Variants in TRMT44 observed in about 807,000 individuals in gnomAD.
TRMT44 encodes probable tRNA (uracil-O(2)-)-methyltransferase.
TRMT44 carries 78 observed loss-of-function variants against 77.3 expected under a neutral mutation model. The observed-to-expected ratio is 1.01, with a 90% CI of 0.84 to 1.22. The LOEUF is 1.22. Ranked by LOEUF, TRMT44 falls within the 50% of genes most tolerant of loss-of-function variation. TRMT44 has a pLI of 0.00. For missense variants in TRMT44, 1,090 were observed against 964.4 expected (o/e 1.13, Z -1.73); for synonymous variants, 391 against 383.3 (o/e 1.02, Z -0.23).
At chr4:8,468,556 A>G (rs1306941449) in intron 9 of TRMT44, 9 of 605,694 alleles carry the variant, frequency 1.5e-5, no homozygotes, top group Admixed American at 2.9e-5. Context: ...TGTTATTTCC[A>G]GGGAGTGACA....
At position 8,481,774 on chromosome 4, in the gene TRMT44, G is replaced by A. The variant is rs190028721; in HGVS notation, n.3891+2241G>A. ...CAATATCACTGTCTCCCACCTCCTC[G>A]TCTTGTCCCATCAGAAGGTCTTTAG... On this transcript the variant is annotated intron_variant and non_coding_transcript_variant, in intron 2 of 2. Coordinates refer to the TRMT44 transcript ENST00000511366. 9.9e-4 allele frequency among the ~76,000 whole-genome samples: 151 copies of A among 152,272 alleles called. 2 individuals carry two copies. Among genetic ancestry groups the A allele is most frequent in the Admixed American group, 1.8e-3 (27 of 15,300 alleles).
rs1366999980 is a variant in TRMT44, at chr4:8,440,800, G to GGGCTGTACACCTGCTGGCTGCCAT, written c.-17_7dup. The stretch of plus-strand genomic sequence containing the variant: ...GCGTCATCTCGGCGCGCCGCTGCCA[G>GGGCTGTACACCTGCTGGCTGCCAT]GGCTGTACACCTGCTGGCTGCCATG... On this transcript the variant is annotated 5_prime_UTR_variant, in exon 1 of 11. In the 5' UTR this introduces an upstream ATG that the reference lacks. Coordinates refer to ENST00000389737, the MANE Select transcript of TRMT44 (RefSeq NM_152544.3). 22 of 1,418,744 alleles carry GGGCTGTACACCTGCTGGCTGCCAT rather than the reference G, an allele frequency of 1.6e-5. No individual in the cohort carries two copies. Among genetic ancestry groups the GGGCTGTACACCTGCTGGCTGCCAT allele is most frequent in the Middle Eastern group, 2.5e-4 (1 of 3,928 alleles). 87.9% of individuals were successfully genotyped at this position (1,418,744 alleles called of 1,614,324 possible). A position where few individuals can be genotyped will look rare whatever the true frequency, so the allele number is the denominator to read the frequency against.
chr4:8,458,243 G>A (rs1472610361), intron 6 of TRMT44, among the ~76,000 whole-genome samples: 4 of 152,174 alleles, frequency 2.6e-5, no homozygotes, highest in Admixed American at 2.0e-4. Context: ...AAATTATGAT[G>A]TATTTCATGA....
At chr4:8,444,000 T>A (rs1724914743) in intron 1 of TRMT44, among the ~76,000 whole-genome samples, 1 of 151,974 alleles carries the variant, frequency 6.6e-6, no homozygotes, top group South Asian at 2.1e-4. Flanking sequence ...TCTTAACTGT[T>A]AGTAGCAGGT....
At chr4:8,464,920 G>A (rs2109150478) in intron 7 of TRMT44, among the ~76,000 whole-genome samples, 1 of 152,272 alleles carries the variant, frequency 6.6e-6, no homozygotes, top group South Asian at 2.1e-4. Context: ...GCAGCAACAT[G>A]GGGTGCAGCT....
At chr4:8,488,992 C>A (rs147148198) in intron 2 of TRMT44, among the ~76,000 whole-genome samples, 1 of 152,172 alleles carries the variant, frequency 6.6e-6, no homozygotes, top group East Asian at 1.9e-4. Flanking sequence ...AACTGTGTTA[C>A]CTGGCAACGC....
the TRMT44 span, among the ~76,000 whole-genome samples, chr4:8,499,460 CTCT>C: frequency 6.6e-6 from 1 of 151,838 alleles, no homozygotes; most frequent in Non-Finnish European, 1.5e-5. Context: ...TTTGCCTTCC[CTCT>C]TCTTCAACCC....
rs201840371 is a variant in TRMT44 at position 8,471,168 on chromosome 4, C to T, written c.2012C>T (p.Thr671Met). 335 of 1,607,036 alleles carry T rather than the reference C, an allele frequency of 2.1e-4. 1 individual carries two copies. Among genetic ancestry groups the T allele is most frequent in the South Asian group, 5.5e-5 (5 of 90,166 alleles). The change falls in exon 10 of 11, where the codon ACG (threonine) becomes ATG (methionine). Residue 671 changes from threonine to methionine, a missense_variant. Thr to Met is a moderately conservative substitution (Grantham distance 81). Transcript: ENST00000389737. ...RLKRECGGLQ[T>M]LLRNSHQVFQ... ...AAGCGGGAGTGTGGGGGCCTGCAGA[C>T]GCTGCTCCGGAACAGCCACCAGGTG...
intron 3 of TRMT44, among the ~76,000 whole-genome samples, chr4:8,450,901 G>T (rs1310641910): frequency 1.4e-5 from 2 of 146,462 alleles, no homozygotes; most frequent in Non-Finnish European, 3.0e-5. Context: ...GGGCTCAAGC[G>T]ATTCTCCCTA....
At chr4:8,488,013 A>C (rs897514321) in intron 2 of TRMT44, among the ~76,000 whole-genome samples, 1 of 152,234 alleles carries the variant, frequency 6.6e-6, no homozygotes, top group Non-Finnish European at 1.5e-5. Context: ...ATTGAAATTA[A>C]GAGAAGGGAG....
intron 2 of TRMT44, among the ~76,000 whole-genome samples, chr4:8,487,790 A>C (rs1191485218): frequency 1.3e-5 from 2 of 152,180 alleles, no homozygotes; most frequent in East Asian, 3.9e-4. Flanking sequence ...CCCCTCCCCC[A>C]GAAAAGCAGG....
At chr4:8,454,885 G>A (rs1725702374) in intron 6 of TRMT44, 72 bp downstream of exon 6, 1 of 1,370,414 alleles carries the variant, frequency 7.3e-7, no homozygotes, top group Non-Finnish European at 1.0e-6. Context: ...TGTAATGAAT[G>A]TGTCTCTTTG....
chr4:8,453,238 C>T (rs1040107153), intron 5 of TRMT44, among the ~76,000 whole-genome samples: 6 of 152,314 alleles, frequency 3.9e-5, no homozygotes, highest in African/African-American at 1.2e-4. Context: ...TATAAAATGA[C>T]AGGCTTTGGG....
intron 3 of TRMT44, among the ~76,000 whole-genome samples, chr4:8,450,792 G>GTTTTTTTTTTTTTTTTTTTTTTTTTTT (rs59875098): frequency 1.0e-5 from 1 of 96,674 alleles, no homozygotes. Context: ...TCATTTCCAT[G>GTTTTTTTTTTTTTTTTTTTTTTTTTTT]TTTTTTTTTT....
At chr4:8,454,947 T>C (rs1725707957) in intron 6 of TRMT44, 134 bp downstream of exon 6, 1 of 813,846 alleles carries the variant, frequency 1.2e-6, no homozygotes. Context: ...ATCTAAGTGC[T>C]CTGAAATTAG....
At chr4:8,489,144 C>T (rs912027611) in intron 2 of TRMT44, among the ~76,000 whole-genome samples, 1 of 152,222 alleles carries the variant, frequency 6.6e-6, no homozygotes, top group African/African-American at 2.4e-5. Flanking sequence ...CTGCCTGGCT[C>T]CTGCAGTGCC....
Position 8,476,067 on chromosome 4 carries a change from G to T in TRMT44, c.*66G>T. 1 of 1,460,636 alleles carries T rather than the reference G, an allele frequency of 6.8e-7. No individual in the cohort carries two copies. 90.5% of individuals were successfully genotyped at this position (1,460,636 alleles called of 1,614,324 possible). ...ACCAAGGAGAGCTTCCCCAGCAGTC[G>T]TCAGTGCTGTGGTCTCTGCTCTGGC... On this transcript the variant is annotated 3_prime_UTR_variant, in exon 11 of 11. Transcript: ENST00000389737.
At chr4:8,449,122 C>T (rs1725260357) in intron 2 of TRMT44, among the ~76,000 whole-genome samples, 1 of 152,222 alleles carries the variant, frequency 6.6e-6, no homozygotes, top group African/African-American at 2.4e-5. Flanking sequence ...TGTGTCAGCA[C>T]TGCTGGGACC....
chr4:8,499,518 G>A, the TRMT44 span, among the ~76,000 whole-genome samples: 1 of 144,384 alleles, frequency 6.9e-6, no homozygotes, highest in Admixed American at 7.3e-5. Flanking sequence ...AATTGAGTGT[G>A]GGGGTGGGCA....
Sources: gnomAD v4.1 joint callset for allele counts (sites outside exome capture counted in the v4.1 genomes callset) on GRCh38, gnomAD v4.1.1 for gene constraint, MANE v1.5 for transcripts, NCBI Gene and HGNC (gene_info 2026-07-23, HGNC 2026-07-21) for gene names.